Variants in GRIK1 observed in about 807,000 individuals in gnomAD.
GRIK1 encodes the protein glutamate receptor ionotropic, kainate 1.
A neutral mutation model predicts 105.7 loss-of-function variants in GRIK1; 69 were observed. That is an observed-to-expected ratio of 0.65 (90% CI 0.54 to 0.80). GRIK1 has a LOEUF of 0.80. Among genes scored for constraint, GRIK1 ranks in the 30% least tolerant of loss-of-function variants. The pLI is 0.00. For synonymous variants in GRIK1, 438 were observed against 431.3 expected (o/e 1.02, Z -0.19); for missense variants, 1,109 against 1,167.3 (o/e 0.95, Z 0.73).
At chr21:29,797,016 T>C (rs2066577724) in intron 1 of GRIK1, among the ~76,000 whole-genome samples, 1 of 151,878 alleles carries the variant, frequency 6.6e-6, no homozygotes, top group Non-Finnish European at 1.5e-5. Context: ...AGTTGGTTTC[T>C]AATGCGTTAG....
intron 7 of GRIK1, chr21:29,601,312 C>T (rs2061514527): frequency 2.2e-6 from 1 of 446,948 alleles, no homozygotes; most frequent in East Asian, 5.8e-5. Context: ...TAGACTCAGA[C>T]TAGACTTACA....
At chr21:29,906,909 G>A (rs1278812978) in intron 1 of GRIK1, among the ~76,000 whole-genome samples, 1 of 151,824 alleles carries the variant, frequency 6.6e-6, no homozygotes, top group East Asian at 1.9e-4. Flanking sequence ...AATACTATAT[G>A]GTGCTTATTG....
intron 14 of GRIK1, 100 bp downstream of exon 14, chr21:29,576,864 C>CT: frequency 4.3e-6 from 3 of 700,462 alleles, no homozygotes; most frequent in South Asian, 2.1e-5. Context: ...TACCCAACAT[C>CT]TTTTTTTCTT....
chr21:29,797,789 G>T (rs114293954), intron 1 of GRIK1, among the ~76,000 whole-genome samples: 1 of 151,990 alleles, frequency 6.6e-6, no homozygotes, highest in Non-Finnish European at 1.5e-5. Flanking sequence ...ACAATGTCCC[G>T]CCTAGATTTC....
chr21:29,558,315 A>G (rs2090306902), intron 15 of GRIK1, among the ~76,000 whole-genome samples: 1 of 151,404 alleles, frequency 6.6e-6, no homozygotes, highest in Non-Finnish European at 1.5e-5. Context: ...AAATGAAGTA[A>G]ATGACATTGG....
intron 7 of GRIK1, among the ~76,000 whole-genome samples, chr21:29,625,629 C>T (rs1844636426): frequency 6.6e-6 from 1 of 152,126 alleles, no homozygotes. Flanking sequence ...AAGCACTCCC[C>T]CATATCTGTT....
chr21:29,839,565 G>A (rs963249829), intron 1 of GRIK1, among the ~76,000 whole-genome samples: 1 of 152,190 alleles, frequency 6.6e-6, no homozygotes, highest in African/African-American at 2.4e-5. Context: ...AGACTTGGTA[G>A]CATGTGTATG....
intron 1 of GRIK1, among the ~76,000 whole-genome samples, chr21:29,885,750 A>G (rs1238258123): frequency 6.6e-6 from 1 of 152,122 alleles, no homozygotes; most frequent in Admixed American, 6.6e-5. Flanking sequence ...AATAAAACTT[A>G]GGAGGTGAAT....
chr21:29,756,451 T>C (rs1053891091), intron 1 of GRIK1, among the ~76,000 whole-genome samples: 1 of 152,140 alleles, frequency 6.6e-6, no homozygotes, highest in Non-Finnish European at 1.5e-5. Context: ...TGGTAATTGC[T>C]GCGTGTGTGA....
chr21:29,701,746 G>C (rs566220474), intron 1 of GRIK1, among the ~76,000 whole-genome samples: 1 of 152,328 alleles, frequency 6.6e-6, no homozygotes, highest in Admixed American at 6.5e-5. Context: ...CTTGCCGTAA[G>C]AGTCTATTTC....
chr21:29,677,203 T>C (rs1287765036), intron 3 of GRIK1, among the ~76,000 whole-genome samples: 1 of 152,210 alleles, frequency 6.6e-6, no homozygotes, highest in East Asian at 1.9e-4. Flanking sequence ...AAATGATGAA[T>C]CTAGGTGAAG....
Position 29,567,729 on chromosome 21 carries a change from C to T in GRIK1, c.2131-5880G>A, listed in dbSNP as rs2300305. On this transcript the variant is annotated intron_variant, in intron 14 of 17. Transcript: ENST00000327783. The stretch of plus-strand genomic sequence containing the variant: ...TTGGCTATGTAGAACTTCATACTTG[C>T]GAAATAGGTACATCAGAGGTGAATA... Among the ~76,000 whole-genome samples, 3,425 of 152,080 alleles carry T rather than the reference C, an allele frequency of 0.023. 289 individuals are homozygous for T. In the East Asian group the frequency reaches 0.27, roughly 12 times the overall value.
At chr21:29,853,093 TTAAG>T (rs2068358021) in intron 1 of GRIK1, among the ~76,000 whole-genome samples, 1 of 152,240 alleles carries the variant, frequency 6.6e-6, no homozygotes, top group Non-Finnish European at 1.5e-5. Flanking sequence ...ACTGAACAAT[TTAAG>T]TAAACCACTT....
At chr21:29,838,157 G>A (rs902429376) in intron 1 of GRIK1, among the ~76,000 whole-genome samples, 1 of 152,104 alleles carries the variant, frequency 6.6e-6, no homozygotes, top group African/African-American at 2.4e-5. Context: ...AGCTCATTGG[G>A]TCCATAATAG....
intron 6 of GRIK1, among the ~76,000 whole-genome samples, chr21:29,643,194 T>TAA (rs142706126): frequency 2.6e-5 from 4 of 151,388 alleles, no homozygotes; most frequent in African/African-American, 9.7e-5. Context: ...TCAAGTTCTT[T>TAA]AAAAAAAAAT....
chr21:29,926,876 T>C (rs1188957694), intron 1 of GRIK1, among the ~76,000 whole-genome samples: 4 of 152,216 alleles, frequency 2.6e-5, no homozygotes, highest in Non-Finnish European at 4.4e-5. Flanking sequence ...TTATTTGTGA[T>C]ATCATACTGC....
chr21:29,837,903 A>G (rs767897559), intron 1 of GRIK1, among the ~76,000 whole-genome samples: 2 of 152,164 alleles, frequency 1.3e-5, no homozygotes, highest in African/African-American at 2.4e-5. Flanking sequence ...AAGAAACTTT[A>G]TATTTCTGGG....
intron 14 of GRIK1, among the ~76,000 whole-genome samples, chr21:29,574,690 T>C (rs995694573): frequency 2.1e-5 from 3 of 144,448 alleles, no homozygotes; most frequent in Non-Finnish European, 4.6e-5. Context: ...CTTCTTTTTT[T>C]TTTTTTTTTT....
At chr21:29,771,164 G>A (rs753626814) in intron 1 of GRIK1, among the ~76,000 whole-genome samples, 146 of 152,166 alleles carry the variant, frequency 9.6e-4, no homozygotes, top group Non-Finnish European at 1.7e-3. Context: ...TAGTGACTCT[G>A]ATAGTTGCAG....
Sources: gnomAD v4.1 joint callset for allele counts (sites outside exome capture counted in the v4.1 genomes callset) on GRCh38, gnomAD v4.1.1 for gene constraint, MANE v1.5 for transcripts, NCBI Gene and HGNC (gene_info 2026-07-23, HGNC 2026-07-21) for gene names.